Variants in LRRTM4 observed in about 807,000 individuals in gnomAD.
LRRTM4 encodes the protein leucine rich repeat transmembrane neuronal 4, also known as leucine-rich repeat transmembrane neuronal protein 4.
LRRTM4 carries 25 observed loss-of-function variants against 47.6 expected under a neutral mutation model. That is an observed-to-expected ratio of 0.53 (90% CI 0.38 to 0.73). The LOEUF (loss-of-function observed/expected upper bound fraction) is 0.73. Ranked by LOEUF, LRRTM4 falls within the 30% of genes least tolerant of loss-of-function variation. The pLI is 0.00. For synonymous variants in LRRTM4, 311 were observed against 269.5 expected (o/e 1.15, Z -1.51); for missense variants, 638 against 713.4 (o/e 0.89, Z 1.20).
At chr2:77,382,651 C>T (rs1422295399) in intron 3 of LRRTM4, among the ~76,000 whole-genome samples, 3 of 152,036 alleles carry the variant, frequency 2.0e-5, no homozygotes, top group African/African-American at 4.8e-5. Flanking sequence ...CTTATTCTCA[C>T]AACAGTGACG....
chr2:77,518,965 A>G lies in LRRTM4; in HGVS notation c.904T>C (p.Ser302Pro). 6.2e-7 allele frequency: 1 copy of G among 1,611,758 alleles called. No individual in the cohort carries two copies. Among genetic ancestry groups the G allele is most frequent in the Non-Finnish European group, 8.5e-7 (1 of 1,178,894 alleles). The change falls in exon 3 of 4, where the codon TCA (serine) becomes CCA (proline). Residue 302 changes from serine (S) to proline (P), a missense_variant. Ser to Pro is a moderately conservative substitution (Grantham distance 74). Transcript: ENST00000409884. ...CCAGACAATGTGATGGATATTAATG[A>G]TATCCACGCATTGACAGTTTCCTGT... is the stretch of plus-strand genomic sequence containing the variant. ...ISQETVNAWI[S>P]LISITLSGNM...
At chr2:77,222,348 A>G (rs1289515461) in intron 3 of LRRTM4, among the ~76,000 whole-genome samples, 1 of 152,210 alleles carries the variant, frequency 6.6e-6, no homozygotes, top group African/African-American at 2.4e-5. Flanking sequence ...GCAAGAAATA[A>G]CTAAGGTCAG....
chr2:77,272,948 T>C (rs1449105340), intron 3 of LRRTM4, among the ~76,000 whole-genome samples: 1 of 152,190 alleles, frequency 6.6e-6, no homozygotes, highest in Non-Finnish European at 1.5e-5. Flanking sequence ...TTTACATATG[T>C]TCTATAATTT....
At chr2:77,349,218 T>G (rs536952700) in intron 3 of LRRTM4, among the ~76,000 whole-genome samples, 2 of 152,096 alleles carry the variant, frequency 1.3e-5, no homozygotes, top group African/African-American at 4.8e-5. Context: ...GTACCTTGGC[T>G]GCATATAAAG....
At chr2:76,949,917 T>A (rs1675442274) in intron 3 of LRRTM4, among the ~76,000 whole-genome samples, 1 of 151,820 alleles carries the variant, frequency 6.6e-6, no homozygotes, top group Non-Finnish European at 1.5e-5. Context: ...TATAGCCAAA[T>A]TAAGAGCCAT....
intron 3 of LRRTM4, among the ~76,000 whole-genome samples, chr2:77,303,028 T>C (rs1356014902): frequency 7.2e-6 from 1 of 139,088 alleles, no homozygotes; most frequent in Non-Finnish European, 1.5e-5. Context: ...CTAATATATA[T>C]ATTAGGCCCC....
intron 3 of LRRTM4, among the ~76,000 whole-genome samples, chr2:77,276,684 CGCATAT>C (rs1676366111): frequency 8.9e-6 from 1 of 112,266 alleles, no homozygotes. Context: ...AATTTGTGTA[CGCATAT>C]ATATATATAT....
intron 3 of LRRTM4, among the ~76,000 whole-genome samples, chr2:77,080,865 C>T (rs972081517): frequency 6.6e-6 from 1 of 152,070 alleles, no homozygotes; most frequent in African/African-American, 2.4e-5. Context: ...TATTACTTTG[C>T]TCCTGTTTCA....
chr2:76,762,021 A>G (rs1673273843), intron 3 of LRRTM4, among the ~76,000 whole-genome samples: 1 of 152,194 alleles, frequency 6.6e-6, no homozygotes. Flanking sequence ...TACAGAGAAT[A>G]GCTTGCAAAA....
rs1247794893 is a variant in LRRTM4 at position 76,995,988 on chromosome 2, A to AT, written c.1552-247073dup. On this transcript the variant is annotated intron_variant, in intron 3 of 3. Transcript: ENST00000409884. ...TACGAAGGTATGCAGATAATGTAGT[A>AT]TTTTTTAAAAATGATTATAAAGTGA... Among the ~76,000 whole-genome samples, 5 of 152,092 alleles carry AT rather than the reference A, an allele frequency of 3.3e-5. No homozygotes were observed. The East Asian group carries it at 7.7e-4, about 24-fold the overall frequency.
intron 3 of LRRTM4, among the ~76,000 whole-genome samples, chr2:77,115,316 G>A (rs1000962487): frequency 8.6e-5 from 13 of 151,940 alleles, no homozygotes; most frequent in African/African-American, 3.1e-4. Context: ...TCTTTTTCAG[G>A]GTGCACTGGT....
At chr2:77,396,873 T>C (rs1296107758) in intron 3 of LRRTM4, among the ~76,000 whole-genome samples, 1 of 151,950 alleles carries the variant, frequency 6.6e-6, no homozygotes, top group Non-Finnish European at 1.5e-5. Context: ...GAATCTATAT[T>C]TGAAGAGTGG....
At chr2:76,776,567 T>C (rs1000020914) in intron 3 of LRRTM4, among the ~76,000 whole-genome samples, 50 of 152,348 alleles carry the variant, frequency 3.3e-4, no homozygotes, top group African/African-American at 1.0e-3. Context: ...TTTTGAGAAG[T>C]GTCTGTTCAT....
intron 3 of LRRTM4, among the ~76,000 whole-genome samples, chr2:77,122,768 C>CA (rs1190374146): frequency 2.6e-5 from 4 of 151,508 alleles, no homozygotes; most frequent in African/African-American, 9.7e-5. Context: ...AAGCTTCTCC[C>CA]AAAAAATATG....
rs797022442 is a variant in LRRTM4, at chr2:76,801,431, G to A, written c.1552-52515C>T. On this transcript the variant is annotated intron_variant, in intron 3 of 3. Coordinates refer to ENST00000409884, the MANE Select transcript of LRRTM4 (RefSeq NM_001134745.3). ...TCGCAAGAACAAAAAACCAAACAGC[G>A]CATATTCTCACTCATAGGTGGGAAT... Among the ~76,000 whole-genome samples, 97 of 151,926 alleles carry A rather than the reference G, an allele frequency of 6.4e-4. No individual in the cohort carries two copies. The South Asian group carries it at 8.1e-3, about 13-fold the overall frequency.
At chr2:76,845,719 T>C (rs1026799369) in intron 3 of LRRTM4, among the ~76,000 whole-genome samples, 1 of 152,216 alleles carries the variant, frequency 6.6e-6, no homozygotes, top group Admixed American at 6.5e-5. Flanking sequence ...ATAAAATGGC[T>C]ATTTATAAAT....
chr2:77,398,375 T>A (rs558441699), intron 3 of LRRTM4, among the ~76,000 whole-genome samples: 1 of 152,052 alleles, frequency 6.6e-6, no homozygotes, highest in African/African-American at 2.4e-5. Flanking sequence ...ATTAAGCACA[T>A]ATTATGCATA....
At chr2:77,228,143 T>C (rs541508973) in intron 3 of LRRTM4, among the ~76,000 whole-genome samples, 1 of 152,248 alleles carries the variant, frequency 6.6e-6, no homozygotes, top group South Asian at 2.1e-4. Context: ...AAAAATGGAT[T>C]CAAATGTATT....
At chr2:77,360,469 TACG>T (rs1672150667) in intron 3 of LRRTM4, among the ~76,000 whole-genome samples, 1 of 130,772 alleles carries the variant, frequency 7.6e-6, no homozygotes, top group South Asian at 2.6e-4. Flanking sequence ...AAAAATACAA[TACG>T]ATATGATACG....
Sources: gnomAD v4.1 joint callset for allele counts (sites outside exome capture counted in the v4.1 genomes callset) on GRCh38, gnomAD v4.1.1 for gene constraint, MANE v1.5 for transcripts, NCBI Gene and HGNC (gene_info 2026-07-23, HGNC 2026-07-21) for gene names.